Variants in ZNF532 observed in about 807,000 individuals in gnomAD.
ZNF532 encodes the protein zinc finger protein 532.
In ZNF532, 22 loss-of-function variants were observed where a neutral mutation model predicts 89.3. That is an observed-to-expected ratio of 0.25 (90% confidence interval 0.18 to 0.35). The LOEUF is 0.35. Among genes scored for constraint, ZNF532 ranks in the 10% least tolerant of loss-of-function variants. ZNF532 has a pLI of 1.00. For missense variants in ZNF532, 1,132 were observed against 1,643.4 expected (o/e 0.69, Z 5.38); for synonymous variants, 606 against 649.6 (o/e 0.93, Z 1.02).
chr18:58,934,917 A>G (rs2062248537), intron 4 of ZNF532, among the ~76,000 whole-genome samples: 1 of 152,116 alleles, frequency 6.6e-6, no homozygotes, highest in African/African-American at 2.4e-5. Flanking sequence ...GACTTTTGTT[A>G]TCATACTCTT....
intron 4 of ZNF532, among the ~76,000 whole-genome samples, chr18:58,936,286 G>A (rs768881331): frequency 4.6e-5 from 7 of 152,156 alleles, no homozygotes; most frequent in African/African-American, 7.2e-5. Flanking sequence ...TAATACTTTC[G>A]TTCTTGCCAT....
At chr18:58,882,468 G>A (rs936636363) in intron 2 of ZNF532, among the ~76,000 whole-genome samples, 1 of 152,188 alleles carries the variant, frequency 6.6e-6, no homozygotes, top group Non-Finnish European at 1.5e-5. Flanking sequence ...AAGAGGCAGG[G>A]TCTTGCTCTG....
chr18:58,892,769 T>G (rs1024413392), intron 2 of ZNF532, among the ~76,000 whole-genome samples: 5 of 152,156 alleles, frequency 3.3e-5, no homozygotes, highest in Non-Finnish European at 7.4e-5. Context: ...GTTCCCCAAG[T>G]GGGGGCGTGG....
At chr18:58,892,981 T>A (rs575821535) in intron 2 of ZNF532, among the ~76,000 whole-genome samples, 5 of 140,358 alleles carry the variant, frequency 3.6e-5, no homozygotes, top group African/African-American at 1.2e-4. Flanking sequence ...ATTTGTACTT[T>A]CTTTTTTTTT....
chr18:58,959,267 T>G (rs113442457), intron 7 of ZNF532, among the ~76,000 whole-genome samples: 1,844 of 147,536 alleles, frequency 0.012, 83 homozygotes, highest in African/African-American at 0.045. Flanking sequence ...TTTGTTTTTT[T>G]TTGTTTTTTT....
chr18:58,892,316 CTAAATT>C (rs2058958461), intron 2 of ZNF532, among the ~76,000 whole-genome samples: 1 of 152,160 alleles, frequency 6.6e-6, no homozygotes, highest in African/African-American at 2.4e-5. Flanking sequence ...ATATCACAAT[CTAAATT>C]TAAAGGGTAC....
chr18:58,920,671 G>A (rs200325389), intron 3 of ZNF532, 38 bp downstream of exon 3: 1 of 1,529,874 alleles, frequency 6.5e-7, no homozygotes, highest in Admixed American at 2.0e-5. Context: ...TCAGTGATGA[G>A]TCTGTAGGCA....
At chr18:58,889,188 CTCTT>C (rs1226880006) in intron 2 of ZNF532, among the ~76,000 whole-genome samples, 2 of 151,776 alleles carry the variant, frequency 1.3e-5, no homozygotes, top group South Asian at 2.1e-4. Context: ...TTCTTTCTCT[CTCTT>C]TTCCAAGCAT....
intron 2 of ZNF532, among the ~76,000 whole-genome samples, chr18:58,880,771 C>CGCGCGTGTGTGTGTGTGT (rs1440107025): frequency 1.2e-4 from 18 of 145,372 alleles, no homozygotes; most frequent in South Asian, 1.1e-3. Context: ...CACGCGCGCG[C>CGCGCGTGTGTGTGTGTGT]GTCTGTGTGT....
At chr18:58,969,017 G>T (rs2066198227) in intron 7 of ZNF532, among the ~76,000 whole-genome samples, 1 of 152,166 alleles carries the variant, frequency 6.6e-6, no homozygotes, top group South Asian at 2.1e-4. Context: ...GCCATTCCCG[G>T]GCATGGTTGA....
intron 2 of ZNF532, among the ~76,000 whole-genome samples, chr18:58,904,419 TAA>T (rs904301491): frequency 6.6e-6 from 1 of 151,996 alleles, no homozygotes; most frequent in Non-Finnish European, 1.5e-5. Flanking sequence ...TTACCATGAT[TAA>T]AAAAAGCTAA....
At chr18:58,973,562 T>C (rs1436045196) in intron 7 of ZNF532, among the ~76,000 whole-genome samples, 1 of 152,182 alleles carries the variant, frequency 6.6e-6, no homozygotes, top group Non-Finnish European at 1.5e-5. Context: ...CCATTGCTGG[T>C]GGGTATGCAG....
rs78897291 is a variant in ZNF532 at position 58,915,394 on chromosome 18, C to T, written c.-17-2877C>T. Among the ~76,000 whole-genome samples, 9 of 152,284 alleles carry T rather than the reference C, an allele frequency of 5.9e-5. No homozygotes were observed. The East Asian group carries it at 1.3e-3, about 23-fold the overall frequency. ...CACTGCTTCACGCTGGACTCCCCCA[C>T]GTCCCCCATGAGAAGAGTATAAACC... On this transcript the variant is annotated intron_variant, in intron 2 of 9. Transcript: ENST00000591808.
At position 58,981,583 on chromosome 18, in the gene ZNF532, A is replaced by T. The variant is rs1420235889; in HGVS notation, c.3377A>T (p.Asn1126Ile). 7.4e-6 allele frequency: 12 copies of T among 1,614,078 alleles called. No individual in the cohort carries two copies. Among genetic ancestry groups the T allele is most frequent in the Non-Finnish European group, 1.0e-5 (12 of 1,180,012 alleles). ...CTGAAAGAAATGACAGATGCCACCAATGAGGAGGAAACAGAAATAAAAGAA... is the reference window on the plus strand; with the variant it reads ...CTGAAAGAAATGACAGATGCCACCATTGAGGAGGAAACAGAAATAAAAGAA... ...PDLKEMTDATNEEETEIKEDT... is the reference protein window; with the variant it reads ...PDLKEMTDATIEEETEIKEDT... Residue 1126 changes from asparagine (N) to isoleucine (I), a missense_variant, in exon 9 of 10, where the codon AAT (asparagine) becomes ATT (isoleucine). By Grantham distance (149) the Asn-to-Ile change is moderately radical. This residue lies in a region of ZNF532 where 415 missense variants were observed against 604.8 expected (regional missense o/e 0.69). Coordinates refer to ENST00000591808, the MANE Select transcript of ZNF532 (RefSeq NM_001375912.1).
chr18:58,913,605 AATATAT>A (rs145358654), intron 2 of ZNF532, among the ~76,000 whole-genome samples: 1 of 151,112 alleles, frequency 6.6e-6, no homozygotes, highest in Non-Finnish European at 1.5e-5. Context: ...GAAAGGAAAA[AATATAT>A]ATATATAAAA....
intron 7 of ZNF532, among the ~76,000 whole-genome samples, chr18:58,962,222 T>C (rs559015671): frequency 6.7e-5 from 10 of 148,676 alleles, no homozygotes; most frequent in African/African-American, 1.0e-4. Context: ...CGAGACTCTG[T>C]CTAAAAAAAA....
intron 2 of ZNF532, among the ~76,000 whole-genome samples, chr18:58,888,787 AATATATATAAT>A (rs1568246632): frequency 7.7e-3 from 62 of 8,102 alleles, no homozygotes; most frequent in Non-Finnish European, 9.5e-3. Context: ...ATATATATAA[AATATATATAAT>A]TTATATATAT....
intron 5 of ZNF532, 97 bp from the exon 6 acceptor site, chr18:58,947,970 T>C (rs557951204): frequency 1.1e-4 from 124 of 1,168,628 alleles, no homozygotes; most frequent in Middle Eastern, 5.9e-4. Flanking sequence ...GTGTTCTCAA[T>C]GTGCCTCTGC....
Position 58,889,598 on chromosome 18 carries a change from G to A in ZNF532, c.-18+24019G>A, listed in dbSNP as rs1051602958. ...GCGGATCACTTGATGTCAGGAGTTT[G>A]AGACCAGCCTGGCCAATATGGTGAA... is the stretch of plus-strand genomic sequence containing the variant. On this transcript the variant is annotated intron_variant, in intron 2 of 9. Transcript: ENST00000591808. 9.9e-5 allele frequency among the ~76,000 whole-genome samples: 15 copies of A among 151,614 alleles called. 1 individual carries two copies. The highest frequency in any genetic ancestry group is 2.2e-4 in the Non-Finnish European group (15 of 67,950).
Sources: gnomAD v4.1 joint callset for allele counts (sites outside exome capture counted in the v4.1 genomes callset) on GRCh38, gnomAD v4.1.1 for gene constraint, gnomAD v4.1.1 regional missense constraint, MANE v1.5 for transcripts, NCBI Gene and HGNC (gene_info 2026-07-23, HGNC 2026-07-21) for gene names.